Variants in GNAO1 observed in about 807,000 individuals in gnomAD.
GNAO1 encodes G protein subunit alpha o1, also known as guanine nucleotide-binding protein G(o) subunit alpha.
For missense variants in GNAO1, 166 were observed against 478.7 expected (o/e 0.35, Z 6.10); for synonymous variants, 164 against 180.7 (o/e 0.91, Z 0.74).
intron 6 of GNAO1, chr16:56,343,720 A>ATGGGCCT: frequency 6.5e-7 from 1 of 1,537,548 alleles, no homozygotes; most frequent in South Asian, 1.2e-5. Flanking sequence ...AAGCAGTCCC[A>ATGGGCCT]TGGGCCTCTC....
chr16:56,287,135 A>G (rs2037180172), intron 3 of GNAO1, among the ~76,000 whole-genome samples: 1 of 152,194 alleles, frequency 6.6e-6, no homozygotes, highest in Non-Finnish European at 1.5e-5. Context: ...CCCACCACTG[A>G]CCAATGGTCT....
At chr16:56,337,405 G>C (rs751658658) in intron 6 of GNAO1, among the ~76,000 whole-genome samples, 5 of 152,164 alleles carry the variant, frequency 3.3e-5, no homozygotes, top group Non-Finnish European at 7.4e-5. Flanking sequence ...AAGGGCAATG[G>C]GGATGAGGCA....
chr16:56,235,102 C>G (rs761356133), intron 2 of GNAO1: 3 of 343,674 alleles, frequency 8.7e-6, no homozygotes, highest in Non-Finnish European at 1.7e-5. Flanking sequence ...TTAGCCACAA[C>G]TCACAACTCT....
intron 2 of GNAO1, 82 bp from the exon 3 acceptor site, chr16:56,275,849 G>A: frequency 8.1e-7 from 1 of 1,241,872 alleles, no homozygotes; most frequent in Non-Finnish European, 1.1e-6. Context: ...CCCACAGTCA[G>A]CCAGTGCGTC....
intron 3 of GNAO1, among the ~76,000 whole-genome samples, chr16:56,317,987 C>T (rs1216119789): frequency 3.9e-5 from 6 of 152,158 alleles, no homozygotes; most frequent in Admixed American, 3.3e-4. Context: ...GAGCCCCAGC[C>T]GCCAAATGCC....
At chr16:56,208,742 G>T (rs1221065213) in intron 2 of GNAO1, among the ~76,000 whole-genome samples, 1 of 152,100 alleles carries the variant, frequency 6.6e-6, no homozygotes, top group Non-Finnish European at 1.5e-5. Flanking sequence ...AGGTTGAACA[G>T]CTTTTCCTAT....
intron 2 of GNAO1, among the ~76,000 whole-genome samples, chr16:56,262,899 A>G (rs1463693459): frequency 6.6e-6 from 1 of 152,254 alleles, no homozygotes. Flanking sequence ...AGCAGCCATA[A>G]AGCTCTCTGT....
intron 3 of GNAO1, among the ~76,000 whole-genome samples, chr16:56,294,289 C>A (rs1439504771): frequency 6.7e-6 from 1 of 148,418 alleles, no homozygotes; most frequent in Non-Finnish European, 1.5e-5. Flanking sequence ...ATAAGTCTCA[C>A]AGAATGTGGG....
chr16:56,344,484 G>C, intron 6 of GNAO1: 1 of 990,574 alleles, frequency 1.0e-6, no homozygotes, highest in Non-Finnish European at 1.2e-6. Context: ...CTTGGCGATG[G>C]CCTCCGTCTC....
chr16:56,323,658 CA>C (rs34470121), intron 3 of GNAO1, among the ~76,000 whole-genome samples: 66,021 of 137,838 alleles, frequency 0.48, 14,978 homozygotes, highest in East Asian at 0.78. Flanking sequence ...TAGCTGTAAG[CA>C]AAAAAAAAAA....
At chr16:56,264,770 A>T (rs1246078936) in intron 2 of GNAO1, among the ~76,000 whole-genome samples, 3 of 148,586 alleles carry the variant, frequency 2.0e-5, no homozygotes, top group African/African-American at 7.3e-5. Flanking sequence ...ATATAGTATT[A>T]TTACTAATTA....
chr16:56,322,073 A>G (rs2037577822), intron 3 of GNAO1, among the ~76,000 whole-genome samples: 1 of 152,176 alleles, frequency 6.6e-6, no homozygotes, highest in Non-Finnish European at 1.5e-5. Flanking sequence ...ACGTGGTGGA[A>G]GGGGTGTGGG....
chr16:56,330,254 T>A (rs1480517868), intron 4 of GNAO1, among the ~76,000 whole-genome samples: 1 of 152,096 alleles, frequency 6.6e-6, no homozygotes, highest in East Asian at 1.9e-4. Context: ...TATGCACAAA[T>A]CACAGACCAG....
At chr16:56,199,539 T>A (rs1659622789) in intron 2 of GNAO1, among the ~76,000 whole-genome samples, 1 of 152,196 alleles carries the variant, frequency 6.6e-6, no homozygotes, top group South Asian at 2.1e-4. Flanking sequence ...GCAGAGAGAT[T>A]TGCAGACTAG....
chr16:56,307,639 A>T (rs1210778418), intron 3 of GNAO1: 2 of 152,202 alleles, frequency 1.3e-5, no homozygotes, highest in African/African-American at 4.8e-5. Flanking sequence ...GTGTCACATG[A>T]CTAACCCAGA....
Position 56,227,319 on chromosome 16 carries a change from C to T in GNAO1, c.161+34703C>T, listed in dbSNP as rs117035747. ...TTGGCTCAGGAGGCATCCAGTGTCCCGTGCTCTAGAGGAGCCCAGGTGTAG... is the reference window on the plus strand; with the variant it reads ...TTGGCTCAGGAGGCATCCAGTGTCCTGTGCTCTAGAGGAGCCCAGGTGTAG... On this transcript the variant is annotated intron_variant, in intron 2 of 8. Coordinates refer to ENST00000262493, the MANE Select transcript of GNAO1 (RefSeq NM_020988.3). Among the ~76,000 whole-genome samples the T allele has an allele frequency of 1.3e-3, 199 of 152,270 alleles. No homozygotes were observed. In the East Asian group the frequency reaches 0.023, roughly 17 times the overall value.
chr16:56,270,257 G>C (rs2037003876), intron 2 of GNAO1: 1 of 152,270 alleles, frequency 6.6e-6, no homozygotes, highest in Non-Finnish European at 1.5e-5. Flanking sequence ...GTCAGTCCTT[G>C]GTTGTTCAGA....
intron 2 of GNAO1, among the ~76,000 whole-genome samples, chr16:56,252,713 A>G (rs2036810491): frequency 6.6e-6 from 1 of 152,116 alleles, no homozygotes; most frequent in Non-Finnish European, 1.5e-5. Flanking sequence ...CAGCTCATCC[A>G]CACCCCCACA....
At chr16:56,221,743 A>G (rs555848558) in intron 2 of GNAO1, among the ~76,000 whole-genome samples, 8 of 151,978 alleles carry the variant, frequency 5.3e-5, no homozygotes, top group Non-Finnish European at 1.2e-4. Flanking sequence ...AATTCTCCAA[A>G]GGAAGCTTGT....
Sources: allele counts gnomAD v4.1 joint callset (sites outside exome capture counted in the v4.1 genomes callset), GRCh38; gene constraint gnomAD v4.1.1; transcripts MANE v1.5; gene names NCBI Gene and HGNC (gene_info 2026-07-23, HGNC 2026-07-21).